PNKD: variants seen among roughly 807,000 people sequenced by gnomAD.
The protein encoded by PNKD is probable thioesterase PNKD.
Under a neutral mutation model 45.3 loss-of-function variants are expected in PNKD, and 36 were observed. The observed-to-expected ratio is 0.80, with a 90% CI of 0.61 to 1.05. The LOEUF (loss-of-function observed/expected upper bound fraction) is 1.05. PNKD is among the 50% of genes least tolerant of loss of function. The pLI, the probability that PNKD is intolerant of heterozygous loss-of-function variation, is 0.00. For synonymous variants in PNKD, 197 were observed against 210.1 expected, an observed-to-expected ratio of 0.94 and a Z score of 0.54; for missense variants, 511 against 506.6, an observed-to-expected ratio of 1.01 and a Z score of -0.08.
At chr2:218,305,513 A>AT (rs920226631) in intron 2 of PNKD, among the ~76,000 whole-genome samples, 89 of 149,934 alleles carry the variant, frequency 5.9e-4, no homozygotes, top group Middle Eastern at 3.5e-3. Flanking sequence ...ATGTCTGGCT[A>AT]TTTTTTTTTT....
At chr2:218,302,766 C>G (rs1254355404) in intron 2 of PNKD, among the ~76,000 whole-genome samples, 3 of 152,204 alleles carry the variant, frequency 2.0e-5, no homozygotes, top group Admixed American at 1.3e-4. Context: ...ACACAGCCCT[C>G]AGGAGACCCT....
At chr2:218,272,701 G>A in intron 2 of PNKD, 1 of 1,614,234 alleles carries the variant, frequency 6.2e-7, no homozygotes, top group Admixed American at 1.7e-5. Flanking sequence ...GAGAGCCAGA[G>A]GTTCAGGGCT....
At chr2:218,327,469 T>C (rs1452067856) in intron 2 of PNKD, among the ~76,000 whole-genome samples, 1 of 152,104 alleles carries the variant, frequency 6.6e-6, no homozygotes, top group Non-Finnish European at 1.5e-5. Context: ...TTCTGGGGCC[T>C]GTGGGACCGT....
At chr2:218,318,738 T>G (rs975491366) in intron 2 of PNKD, among the ~76,000 whole-genome samples, 4 of 152,074 alleles carry the variant, frequency 2.6e-5, no homozygotes, top group Non-Finnish European at 4.4e-5. Context: ...GGGGCTAACA[T>G]TCCAGTGGGA....
rs918880775 is a variant in PNKD, at chr2:218,290,411, C to T, written c.236+18862C>T. Among the ~76,000 whole-genome samples the T allele has an allele frequency of 5.3e-5, 8 of 152,190 alleles. 1 individual carries two copies. The highest frequency in any genetic ancestry group is 4.1e-4 in the South Asian group (2 of 4,832). On this transcript the variant is annotated intron_variant, in intron 2 of 9. Coordinates refer to ENST00000273077, the MANE Select transcript of PNKD (RefSeq NM_015488.5). The stretch of plus-strand genomic sequence containing the variant: ...CCTGAGAATCATTCATATCCTAACT[C>T]CTCGTCTCTTATAACCTCTGTGCGT...
Position 218,345,188 on chromosome 2 carries a change from G to A in PNKD, c.*207G>A, listed in dbSNP as rs1033691318. Reference sequence around the variant, plus strand: ...GGGCCTGTTGGAGGCTGGGAACCCCGCAGCGCGAGGCTGCCTCATCAACGG... The same window carrying A: ...GGGCCTGTTGGAGGCTGGGAACCCCACAGCGCGAGGCTGCCTCATCAACGG... On this transcript the variant is annotated 3_prime_UTR_variant, in exon 10 of 10. Transcript: ENST00000273077. 3.8e-5 allele frequency: 22 copies of A among 584,696 alleles called. No homozygotes were observed. Among genetic ancestry groups the A allele is most frequent in the Non-Finnish European group, 3.6e-5 (12 of 329,808 alleles). 36.2% of individuals were successfully genotyped at this position (584,696 alleles called of 1,614,324 possible).
At chr2:218,280,257 C>A (rs1425834966) in intron 2 of PNKD, 5 of 695,628 alleles carry the variant, frequency 7.2e-6, no homozygotes, top group African/African-American at 5.3e-5. Flanking sequence ...GAACTCTTCT[C>A]CCAAGCTGGG....
chr2:218,273,264 TTTTG>T (rs1690926377), intron 2 of PNKD, among the ~76,000 whole-genome samples: 1 of 116,178 alleles, frequency 8.6e-6, no homozygotes, highest in African/African-American at 7.0e-5. Flanking sequence ...TCCTCATTTG[TTTTG>T]TTTTTTGTTT....
intron 2 of PNKD, among the ~76,000 whole-genome samples, chr2:218,324,808 G>A (rs1003960736): frequency 2.0e-5 from 3 of 151,656 alleles, no homozygotes; most frequent in Non-Finnish European, 4.4e-5. Flanking sequence ...GGTGGTAAGC[G>A]CCTGTAATCC....
chr2:218,287,864 G>A (rs925426429), intron 2 of PNKD, among the ~76,000 whole-genome samples: 17 of 152,312 alleles, frequency 1.1e-4, no homozygotes, highest in Admixed American at 2.0e-4. Context: ...TGGGGATCAC[G>A]AGAGGACCCA....
intron 2 of PNKD, chr2:218,277,369 G>A (rs748414639): frequency 1.2e-6 from 2 of 1,613,864 alleles, no homozygotes; most frequent in Non-Finnish European, 1.7e-6. Flanking sequence ...CCCTCACCTT[G>A]GTCTGAAAGC....
intron 2 of PNKD, among the ~76,000 whole-genome samples, chr2:218,321,934 CTTTTTTT>C (rs35226712): frequency 8.3e-6 from 1 of 120,506 alleles, no homozygotes. Context: ...GAGCTTGACT[CTTTTTTT>C]TTTTTTTTTT....
chr2:218,320,080 GCC>G (rs1396275490), intron 2 of PNKD, among the ~76,000 whole-genome samples: 1 of 152,242 alleles, frequency 6.6e-6, no homozygotes, highest in Non-Finnish European at 1.5e-5. Flanking sequence ...GACAGGCTGG[GCC>G]CTATTGAGCA....
intron 2 of PNKD, chr2:218,292,518 G>A (rs1574669487): frequency 6.6e-6 from 1 of 152,012 alleles, no homozygotes; most frequent in East Asian, 1.9e-4. Flanking sequence ...CAAGTCCTCC[G>A]GGGCCGGGCA....
At chr2:218,301,425 A>G (rs1186891411) in intron 2 of PNKD, among the ~76,000 whole-genome samples, 3 of 152,130 alleles carry the variant, frequency 2.0e-5, no homozygotes, top group Non-Finnish European at 4.4e-5. Flanking sequence ...AGCGGTTGGA[A>G]CAAGCCACAA....
chr2:218,292,213 A>G (rs1436542937), intron 2 of PNKD, among the ~76,000 whole-genome samples: 8 of 152,212 alleles, frequency 5.3e-5, no homozygotes, highest in Non-Finnish European at 1.0e-4. Flanking sequence ...AGTGCCCACA[A>G]CACGCTGCTG....
chr2:218,272,677 A>G (rs764613531), intron 2 of PNKD: 23 of 1,614,130 alleles, frequency 1.4e-5, no homozygotes, highest in Non-Finnish European at 1.9e-5. Context: ...CGGTTGTCCA[A>G]CACGGGCGAG....
At position 218,332,923 on chromosome 2, in the gene PNKD, G is replaced by A. The variant is rs566570136; in HGVS notation, c.237-6860G>A. 1.2e-4 allele frequency among the ~76,000 whole-genome samples: 19 copies of A among 152,148 alleles called. No individual in the cohort carries two copies. The South Asian group carries it at 4.0e-3, about 32-fold the overall frequency. On this transcript the variant is annotated intron_variant, in intron 2 of 9. Transcript: ENST00000273077. ...CCCTCCAGCCCTGCCCAAAGACTCC[G>A]AGGCCTCCTGACAATTCCTAAAATT...
At chr2:218,285,150 A>G (rs1033442420) in intron 2 of PNKD, among the ~76,000 whole-genome samples, 2 of 152,224 alleles carry the variant, frequency 1.3e-5, no homozygotes, top group East Asian at 1.9e-4. Flanking sequence ...CCCCTGATCA[A>G]TGGGGATAAA....
Sources: gnomAD v4.1 joint callset for allele counts (sites outside exome capture counted in the v4.1 genomes callset) on GRCh38, gnomAD v4.1.1 for gene constraint, MANE v1.5 for transcripts, NCBI Gene and HGNC (gene_info 2026-07-23, HGNC 2026-07-21) for gene names.